The following RNF150 variants were observed in gnomAD, a reference collection of about 807,000 sequenced individuals.
RNF150 encodes the protein ring finger protein 150.
A neutral mutation model predicts 39.3 loss-of-function variants in RNF150; 24 were observed. The ratio of observed to expected loss-of-function variants is 0.61; its 90% CI spans 0.44 to 0.86. The LOEUF (loss-of-function observed/expected upper bound fraction) is 0.86. Among genes scored for constraint, RNF150 ranks in the 40% least tolerant of loss-of-function variants. The probability of loss-of-function intolerance (pLI) is 0.00; values close to 1 mark genes in which losing one functional copy is unlikely to be tolerated. For missense variants in RNF150, 502 were observed against 587.8 expected, an observed-to-expected ratio of 0.85 and a Z score of 1.51; for synonymous variants, 255 against 227.3, an observed-to-expected ratio of 1.12 and a Z score of -1.10.
At chr4:141,079,769 C>T (rs2110975662) in intron 1 of RNF150, among the ~76,000 whole-genome samples, 1 of 152,340 alleles carries the variant, frequency 6.6e-6, no homozygotes, top group South Asian at 2.1e-4. Context: ...CTGTTATAGA[C>T]AGATTTCATG....
chr4:141,170,750 A>C (rs1727702389), intron 1 of RNF150, among the ~76,000 whole-genome samples: 1 of 152,344 alleles, frequency 6.6e-6, no homozygotes, highest in Non-Finnish European at 1.5e-5. Flanking sequence ...CACAGAAAGC[A>C]AATGGTAAAT....
At chr4:140,959,906 C>T (rs1315678467) in intron 2 of RNF150, among the ~76,000 whole-genome samples, 2 of 152,090 alleles carry the variant, frequency 1.3e-5, no homozygotes, top group Non-Finnish European at 2.9e-5. Flanking sequence ...CTACAGAGCG[C>T]TTCTGCAATA....
chr4:140,935,725 G>C (rs35486006), intron 4 of RNF150, among the ~76,000 whole-genome samples: 86,653 of 152,012 alleles, frequency 0.57, 25,454 homozygotes, highest in Non-Finnish European at 0.64. Context: ...CTAATGTGTA[G>C]AGTGAACTGT....
At chr4:140,966,753 A>AT (rs953147195) in intron 2 of RNF150, among the ~76,000 whole-genome samples, 3 of 152,120 alleles carry the variant, frequency 2.0e-5, no homozygotes, top group African/African-American at 7.2e-5. Context: ...TTGGTTCAAC[A>AT]TTTTTTGGCA....
intron 1 of RNF150, among the ~76,000 whole-genome samples, chr4:141,000,157 C>T: frequency 6.6e-6 from 1 of 151,356 alleles, no homozygotes; most frequent in East Asian, 1.9e-4. Flanking sequence ...TGGTTCCTAG[C>T]AAAGCTAAAG....
At chr4:140,948,295 A>G (rs940748776) in intron 3 of RNF150, among the ~76,000 whole-genome samples, 1 of 152,238 alleles carries the variant, frequency 6.6e-6, no homozygotes, top group African/African-American at 2.4e-5. Flanking sequence ...TATAAGCCCA[A>G]TGGCGTTTTT....
intron 1 of RNF150, among the ~76,000 whole-genome samples, chr4:141,038,459 G>A (rs973295910): frequency 7.2e-5 from 11 of 152,178 alleles, no homozygotes; most frequent in African/African-American, 1.9e-4. Context: ...GGAGGCCGAC[G>A]TGGGAGGATC....
intron 2 of RNF150, among the ~76,000 whole-genome samples, chr4:140,963,486 A>G (rs75624929): frequency 6.6e-6 from 1 of 152,198 alleles, no homozygotes; most frequent in South Asian, 2.1e-4. Context: ...ATTACAATTA[A>G]TTTAAATAGC....
At chr4:141,204,893 C>A (rs776327160) in intron 1 of RNF150, among the ~76,000 whole-genome samples, 3 of 152,022 alleles carry the variant, frequency 2.0e-5, no homozygotes, top group African/African-American at 4.8e-5. Context: ...TTTAAAGGAC[C>A]TTTTTCATAT....
chr4:141,098,545 C>T (rs1254992098), intron 1 of RNF150, among the ~76,000 whole-genome samples: 2 of 152,192 alleles, frequency 1.3e-5, no homozygotes, highest in African/African-American at 4.8e-5. Flanking sequence ...ATAATTTTTC[C>T]TTTCTGAATC....
intron 1 of RNF150, among the ~76,000 whole-genome samples, chr4:141,094,540 T>G (rs1331791498): frequency 6.6e-6 from 1 of 152,286 alleles, no homozygotes; most frequent in African/African-American, 2.4e-5. Flanking sequence ...GTTGTTACCG[T>G]GGTAGTGGAT....
rs966242842 is a variant in RNF150, at chr4:141,139,546, T to G, written c.-6+73248A>C. 2.6e-5 allele frequency among the ~76,000 whole-genome samples: 4 copies of G among 152,246 alleles called. No individual in the cohort carries two copies. The East Asian group carries it at 7.7e-4, about 29-fold the overall frequency. On this transcript the variant is annotated intron_variant, in intron 1 of 7. Transcript: ENST00000420921. Reference sequence around the variant, plus strand: ...GAGCTGTTCAAGAAAGATGTCCTGCTTATGACTATATTCTCAGCGTCTGCT... The same window carrying G: ...GAGCTGTTCAAGAAAGATGTCCTGCGTATGACTATATTCTCAGCGTCTGCT...
At chr4:140,985,317 C>T (rs1331423214) in intron 1 of RNF150, among the ~76,000 whole-genome samples, 2 of 152,096 alleles carry the variant, frequency 1.3e-5, no homozygotes, top group Non-Finnish European at 2.9e-5. Context: ...CCAATTAACA[C>T]AAAAATAGTT....
At chr4:141,121,529 T>C (rs941340744) in intron 1 of RNF150, among the ~76,000 whole-genome samples, 6 of 152,164 alleles carry the variant, frequency 3.9e-5, no homozygotes, top group African/African-American at 7.2e-5. Flanking sequence ...ATTTAGCATA[T>C]AGATGAAATT....
intron 1 of RNF150, among the ~76,000 whole-genome samples, chr4:141,065,308 G>C (rs956538594): frequency 6.6e-6 from 1 of 152,164 alleles, no homozygotes. Flanking sequence ...GTGCGTGAGA[G>C]GCAGGGATAG....
intron 6 of RNF150, among the ~76,000 whole-genome samples, chr4:140,907,608 T>C (rs1730435921): frequency 6.6e-6 from 1 of 152,240 alleles, no homozygotes; most frequent in Non-Finnish European, 1.5e-5. Context: ...AACAAATTTT[T>C]GATCTTTTAA....
chr4:140,969,378 G>C (rs1364879), intron 1 of RNF150, among the ~76,000 whole-genome samples: 78,884 of 152,026 alleles, frequency 0.52, 20,866 homozygotes, highest in East Asian at 0.79. Context: ...ATAACTGAAA[G>C]TGGTGGCTCG....
chr4:140,999,767 T>A (rs1734506289), intron 1 of RNF150, among the ~76,000 whole-genome samples: 1 of 151,676 alleles, frequency 6.6e-6, no homozygotes. Flanking sequence ...AAACCCCATC[T>A]CTACTAAAAA....
intron 1 of RNF150, among the ~76,000 whole-genome samples, chr4:141,059,066 G>A (rs1171936074): frequency 6.6e-6 from 1 of 152,162 alleles, no homozygotes; most frequent in Non-Finnish European, 1.5e-5. Context: ...GAGAGCAACA[G>A]GAGACAATAT....
Sources: gnomAD v4.1 joint callset for allele counts (sites outside exome capture counted in the v4.1 genomes callset) on GRCh38, gnomAD v4.1.1 for gene constraint, MANE v1.5 for transcripts, NCBI Gene and HGNC (gene_info 2026-07-23, HGNC 2026-07-21) for gene names.